The following ZNF449 variants were observed in gnomAD, a reference collection of about 807,000 sequenced individuals.
The protein encoded by ZNF449 is zinc finger protein 449, also known as zinc finger and SCAN domain-containing protein 19.
ZNF449 carries 4 observed loss-of-function variants against 32.6 expected under a neutral mutation model. That is an observed-to-expected ratio of 0.12 (90% CI 0.06 to 0.28). ZNF449 has a LOEUF of 0.28. Among genes scored for constraint, ZNF449 ranks in the 10% least tolerant of loss-of-function variants. The pLI is 1.00. For missense variants in ZNF449, 275 were observed against 383.2 expected, an observed-to-expected ratio of 0.72 and a Z score of 2.36; for synonymous variants, 123 against 132.2, an observed-to-expected ratio of 0.93 and a Z score of 0.48.
intron 1 of ZNF449, among the ~76,000 whole-genome samples, chrX:135,346,556 C>T (rs1027687041): frequency 3.1e-5 from 3 of 97,290 alleles, no homozygotes; most frequent in Non-Finnish European, 6.6e-5. Context: ...GGGTTAAATG[C>T]AAAGAGATCT....
Position 135,349,099 on chromosome X carries a change from A to G in ZNF449, c.355-11A>G. 8.3e-7 allele frequency: 1 copy of G among 1,211,072 alleles called. No individual in the cohort carries two copies. Among genetic ancestry groups the G allele is most frequent in the Non-Finnish European group, 1.1e-6 (1 of 894,894 alleles). On this transcript the variant is annotated splice_polypyrimidine_tract_variant and intron_variant, in intron 2 of 4. Transcript: ENST00000339249. ...TAGACTTGAGAGTGATGGTTCTGGCATTTCCCCCAGGTTGATATGCATGAC... is the reference window on the plus strand; with the variant it reads ...TAGACTTGAGAGTGATGGTTCTGGCGTTTCCCCCAGGTTGATATGCATGAC...
Position 135,347,193 on chromosome X carries a change from CTG to C in ZNF449, c.78_79del (p.Cys26Ter). On this transcript the variant is annotated frameshift_variant, in exon 2 of 5. Transcript: ENST00000339249. LOFTEE classifies it high-confidence loss of function. ...GSVFQEYDTD[C>X]EVFRQRFRQF... ...CTGTGTTTCAAGAATATGATACTGA[CTG>C]TGAAGTTTTCCGTCAGCGCTTCAGG... is the stretch of plus-strand genomic sequence containing the variant. 1 of 1,212,219 alleles carries C rather than the reference CTG, an allele frequency of 8.2e-7. No homozygotes were observed. Among genetic ancestry groups the C allele is most frequent in the Non-Finnish European group, 1.1e-6 (1 of 895,620 alleles).
chrX:135,358,106 T>C (rs2084927456), intron 3 of ZNF449, among the ~76,000 whole-genome samples: 1 of 111,488 alleles, frequency 9.0e-6, no homozygotes, highest in African/African-American at 3.2e-5. Context: ...AATATTTTAC[T>C]TACTTTAATA....
Position 135,347,142 on chromosome X carries a change from A to C in ZNF449, c.24A>C (p.Ala8=), listed in dbSNP as rs782521866. ...CGATGGCTGTGGCCCTGGGTTGTGC[A>C]ATCCAGGCATCCTTGAATCAAGGCT... MAVALGC[A]IQASLNQGSV... The change falls in exon 2 of 5, where the codon GCA becomes GCC. Residue 8 remains alanine (A), a synonymous_variant. Coordinates refer to ENST00000339249, the MANE Select transcript of ZNF449 (RefSeq NM_152695.6). 4.0e-5 allele frequency: 48 copies of C among 1,208,623 alleles called. No individual in the cohort carries two copies. The highest frequency in any genetic ancestry group is 5.3e-5 in the Non-Finnish European group (47 of 894,221).
In ZNF449 at chrX:135,346,328, C is replaced by T. The variant is rs144690560; in HGVS notation, c.-100-691C>T. On this transcript the variant is annotated intron_variant, in intron 1 of 4. Transcript: ENST00000339249. ...TGGCATGGGGTTACTGGGGGAATTA[C>T]GCAGACTCGGTGAGGACAAGAATGA... Among the ~76,000 whole-genome samples, 884 of 111,839 alleles carry T rather than the reference C, an allele frequency of 7.9e-3. 10 individuals carry two copies. The highest frequency in any genetic ancestry group is 0.027 in the African/African-American group (834 of 30,739).
intron 1 of ZNF449, 83 bp from the exon 2 acceptor site, chrX:135,346,936 T>C: frequency 5.4e-6 from 2 of 368,398 alleles, no homozygotes; most frequent in East Asian, 4.1e-5. Context: ...ACAGGTTCTT[T>C]GGTAAAAAAG....
At chrX:135,351,347 G>GT (rs200543838) in intron 3 of ZNF449, among the ~76,000 whole-genome samples, 3,394 of 110,697 alleles carry the variant, frequency 0.031, 78 homozygotes, top group Admixed American at 0.098. Flanking sequence ...TGGTGATTGG[G>GT]TGTCAGGGTG....
rs138787183 is a variant in ZNF449 at position 135,347,207 on chromosome X, G to A, written c.89G>A (p.Arg30His). The A allele has an allele frequency of 1.6e-6, 2 of 1,212,218 alleles. No homozygotes were observed. The highest frequency in any genetic ancestry group is 2.2e-6 in the Non-Finnish European group (2 of 895,630). Residue 30 changes from arginine (R) to histidine (H), a missense_variant, in exon 2 of 5, where the codon CGT (arginine) becomes CAT (histidine). By Grantham distance (29) the Arg-to-His change is conservative (BLOSUM62 0). Coordinates refer to ENST00000339249, the MANE Select transcript of ZNF449 (RefSeq NM_152695.6). ...TATGATACTGACTGTGAAGTTTTCC[G>A]TCAGCGCTTCAGGCAGTTCCAGTAC... ...QEYDTDCEVFRQRFRQFQYRE... is the reference protein window; with the variant it reads ...QEYDTDCEVFHQRFRQFQYRE...
intron 3 of ZNF449, 64 bp from the exon 4 acceptor site, chrX:135,359,828 C>T (rs965730486): frequency 2.9e-6 from 2 of 699,535 alleles, no homozygotes; most frequent in Non-Finnish European, 4.5e-6. Context: ...AAGAAATCAG[C>T]CTAAATTTTG....
chrX:135,360,365 A>C lies in ZNF449; in HGVS notation c.846A>C (p.Thr282=), dbSNP rs368462854. The C allele has an allele frequency of 7.1e-5, 86 of 1,209,137 alleles. 2 individuals are homozygous for C. The highest frequency in any genetic ancestry group is 4.4e-4 in the East Asian group (15 of 33,775). ...AAACCCCCCCAGAGGATTTACAGACAGATTTAGCAAAACTGGTAGATCAGC... is the reference window on the plus strand; with the variant it reads ...AAACCCCCCCAGAGGATTTACAGACCGATTTAGCAAAACTGGTAGATCAGC... ...QWETPPEDLQ[T]DLAKLVDQQN... is the part of the protein sequence containing the mutation. The change falls in exon 5 of 5, where the codon ACA becomes ACC. Residue 282 remains threonine, a synonymous_variant. Transcript: ENST00000339249.
intron 3 of ZNF449, among the ~76,000 whole-genome samples, chrX:135,355,363 T>G (rs969223873): frequency 3.6e-5 from 4 of 110,843 alleles, no homozygotes. Context: ...TCTTAGTTAT[T>G]TTTTAAATGT....
intron 3 of ZNF449, among the ~76,000 whole-genome samples, chrX:135,355,097 C>T (rs1178659911): frequency 9.1e-6 from 1 of 109,910 alleles, no homozygotes; most frequent in Non-Finnish European, 1.9e-5. Context: ...ACTTGCTGCT[C>T]TCCCCAGTTT....
chrX:135,347,846 AGGTCATTG>A, intron 2 of ZNF449: 1 of 372,832 alleles, frequency 2.7e-6, no homozygotes, highest in Non-Finnish European at 4.5e-6. Context: ...TCTTGTTGAA[AGGTCATTG>A]AAAAAAAGAG....
intron 3 of ZNF449, among the ~76,000 whole-genome samples, chrX:135,352,561 G>C (rs956186758): frequency 6.2e-5 from 7 of 112,039 alleles, no homozygotes; most frequent in Non-Finnish European, 1.3e-4. Flanking sequence ...AAAGCTTTGG[G>C]TTTTTCATTT....
Position 135,359,885 on chromosome X carries a change from TG to T in ZNF449, c.560-5del. ...ACTGTAATGCTTCCCATCTTTCTTC[TG>T]GCCAGGATATCCATTACCAAAACTT... On this transcript the variant is annotated splice_polypyrimidine_tract_variant and splice_region_variant and intron_variant, in intron 3 of 4. Transcript: ENST00000339249. The T allele has an allele frequency of 8.7e-7, 1 of 1,149,673 alleles. No individual in the cohort carries two copies. Among genetic ancestry groups the T allele is most frequent in the Non-Finnish European group, 1.2e-6 (1 of 845,025 alleles). 94.7% of individuals were successfully genotyped at this position (1,149,673 alleles called of 1,213,427 possible). A position where few individuals can be genotyped will look rare whatever the true frequency, so the allele number is the denominator to read the frequency against.
intron 2 of ZNF449, chrX:135,348,656 TTC>T: frequency 1.2e-6 from 1 of 847,577 alleles, no homozygotes; most frequent in Non-Finnish European, 1.5e-6. Context: ...TTCTGAAGTT[TTC>T]TGTCTCCCTA....
At chrX:135,355,554 T>C (rs2084912462) in intron 3 of ZNF449, among the ~76,000 whole-genome samples, 1 of 111,239 alleles carries the variant, frequency 9.0e-6, no homozygotes, top group African/African-American at 3.3e-5. Context: ...TAAAATAAAG[T>C]ATTTTACACC....
chrX:135,357,028 A>G (rs945768574), intron 3 of ZNF449, among the ~76,000 whole-genome samples: 1 of 111,663 alleles, frequency 9.0e-6, no homozygotes, highest in Non-Finnish European at 1.9e-5. Context: ...TGTATTCTAG[A>G]TAAAAGTCCC....
intron 2 of ZNF449, chrX:135,348,119 C>CGA: frequency 7.7e-6 from 1 of 129,314 alleles, no homozygotes; most frequent in Admixed American, 8.6e-5. Context: ...ACTGATAAAG[C>CGA]TCAAGTACTA....
Sources: gnomAD v4.1 joint callset for allele counts (sites outside exome capture counted in the v4.1 genomes callset) on GRCh38, gnomAD v4.1.1 for gene constraint, MANE v1.5 for transcripts, NCBI Gene and HGNC (gene_info 2026-07-23, HGNC 2026-07-21) for gene names.